The following CRYBG1 variants were observed in gnomAD, a reference collection of about 807,000 sequenced individuals.
CRYBG1 encodes the protein crystallin beta-gamma domain containing 1.
In CRYBG1, 139 loss-of-function variants were observed where a neutral mutation model predicts 189.2. The ratio of observed to expected loss-of-function variants is 0.73; its 90% CI spans 0.64 to 0.85. CRYBG1 has a LOEUF of 0.85. Among genes scored for constraint, CRYBG1 ranks in the 40% least tolerant of loss-of-function variants. The probability of loss-of-function intolerance (pLI) is 0.00; values close to 1 mark genes in which losing one functional copy is unlikely to be tolerated. For missense variants in CRYBG1, 2,611 were observed against 2,675.8 expected, an observed-to-expected ratio of 0.98 and a Z score of 0.53; for synonymous variants, 1,023 against 1,017.1, an observed-to-expected ratio of 1.01 and a Z score of -0.11.
chr6:106,485,441 T>G (rs1772576956), intron 2 of CRYBG1, among the ~76,000 whole-genome samples: 2 of 152,234 alleles, frequency 1.3e-5, no homozygotes, highest in African/African-American at 4.8e-5. Flanking sequence ...GATCACATCA[T>G]CTGTAAACAA....
chr6:106,401,741 A>C (rs1582742549), intron 1 of CRYBG1, among the ~76,000 whole-genome samples: 1 of 118,840 alleles, frequency 8.4e-6, no homozygotes, highest in African/African-American at 3.3e-5. Context: ...TGAACTCATC[A>C]TTTTTTATGG....
chr6:106,464,870 G>A (rs1280022483), intron 2 of CRYBG1, among the ~76,000 whole-genome samples: 1 of 152,134 alleles, frequency 6.6e-6, no homozygotes, highest in Non-Finnish European at 1.5e-5. Context: ...AATTTGTTCA[G>A]ATATTTTACA....
At chr6:106,521,599 C>A in intron 4 of CRYBG1, 146 bp downstream of exon 4, 1 of 973,426 alleles carries the variant, frequency 1.0e-6, no homozygotes, top group South Asian at 1.8e-5. Flanking sequence ...TGAAAACCTG[C>A]AATGTACAAG....
intron 2 of CRYBG1, among the ~76,000 whole-genome samples, chr6:106,493,295 A>G (rs775474640): frequency 5.3e-5 from 8 of 152,232 alleles, no homozygotes; most frequent in Non-Finnish European, 7.3e-5. Context: ...TTAAAATCAC[A>G]ATAAGATATC....
In CRYBG1 at chr6:106,568,559, A is replaced by G. The variant is rs776341398; in HGVS notation, c.6389A>G (p.Tyr2130Cys). The G allele has an allele frequency of 5.6e-6, 9 of 1,606,208 alleles. No homozygotes were observed. In the South Asian group the frequency reaches 7.7e-5, roughly 14 times the overall value. Residue 2130 changes from tyrosine to cysteine, a missense_variant, in exon 22 of 22, where the codon TAT (tyrosine) becomes TGT (cysteine). This residue lies in a region of CRYBG1 where 1,622 missense variants were observed against 1,735.0 expected (regional missense o/e 0.93). Coordinates refer to ENST00000633556, the MANE Select transcript of CRYBG1 (RefSeq NM_001371242.2). ...FTQVWEAMVL[Y>C]T ...CAAGTGTGGGAAGCCATGGTCCTATATACCTGAACAAAGAAGGAAGAAGAA... is the reference window on the plus strand; with the variant it reads ...CAAGTGTGGGAAGCCATGGTCCTATGTACCTGAACAAAGAAGGAAGAAGAA...
chr6:106,407,310 G>T (rs61536423), intron 1 of CRYBG1, among the ~76,000 whole-genome samples: 4,799 of 152,234 alleles, frequency 0.032, 261 homozygotes, highest in African/African-American at 0.11. Flanking sequence ...TAATGGTAAA[G>T]AGATCAATGC....
intron 3 of CRYBG1, 76 bp downstream of exon 3, chr6:106,513,115 A>G (rs1773338908): frequency 1.3e-6 from 2 of 1,486,980 alleles, no homozygotes; most frequent in Non-Finnish European, 1.8e-6. Context: ...GGCTCGGGGT[A>G]TCTGCATTGT....
At chr6:106,509,764 G>T (rs1037916372) in intron 2 of CRYBG1, among the ~76,000 whole-genome samples, 1 of 152,074 alleles carries the variant, frequency 6.6e-6, no homozygotes, top group Non-Finnish European at 1.5e-5. Flanking sequence ...CATGGGGTGG[G>T]CAGGAGGCGA....
intron 1 of CRYBG1, among the ~76,000 whole-genome samples, chr6:106,401,144 G>C (rs1258259818): frequency 6.6e-6 from 1 of 152,156 alleles, no homozygotes; most frequent in Admixed American, 6.5e-5. Flanking sequence ...CATTCTTCTT[G>C]ATACTAAATC....
chr6:106,469,147 G>T (rs556023576), intron 2 of CRYBG1, among the ~76,000 whole-genome samples: 78 of 152,262 alleles, frequency 5.1e-4, no homozygotes, highest in African/African-American at 1.8e-3. Context: ...TGAACACACA[G>T]AACCCTTTCT....
rs202072878 is a variant in CRYBG1, at chr6:106,519,895, G to A, written c.2687G>A (p.Ser896Asn). ...KDTCVQSPIS[S>N]FPCTDLKVSE... The stretch of plus-strand genomic sequence containing the variant: ...ACATGTGTTCAATCACCCATAAGCA[G>A]TTTCCCATGCACTGATCTAAAAGTG... The change falls in exon 4 of 22, where the codon AGT becomes AAT. Residue 896 changes from serine (S) to asparagine (N), a missense_variant. Ser to Asn is a conservative substitution (Grantham distance 46). Coordinates refer to ENST00000633556, the MANE Select transcript of CRYBG1 (RefSeq NM_001371242.2). 53 of 1,614,162 alleles carry A rather than the reference G, an allele frequency of 3.3e-5. 1 individual carries two copies. The African/African-American group carries it at 6.4e-4, about 19-fold the overall frequency.
chr6:106,390,829 G>A (rs949249652), intron 1 of CRYBG1, among the ~76,000 whole-genome samples: 9 of 152,170 alleles, frequency 5.9e-5, no homozygotes, highest in Admixed American at 2.0e-4. Flanking sequence ...GGATATTTGG[G>A]TTATTTCTAG....
chr6:106,416,552 G>C (rs939180483), intron 1 of CRYBG1, among the ~76,000 whole-genome samples: 1 of 152,160 alleles, frequency 6.6e-6, no homozygotes, highest in Non-Finnish European at 1.5e-5. Context: ...AGATTTTTCC[G>C]ATATCTTACT....
intron 18 of CRYBG1, among the ~76,000 whole-genome samples, chr6:106,559,451 G>A (rs1774646116): frequency 6.6e-6 from 1 of 151,986 alleles, no homozygotes; most frequent in South Asian, 2.1e-4. Context: ...GTCTACCTGT[G>A]TACAACAGAT....
chr6:106,369,260 A>G (rs1769966533), intron 1 of CRYBG1, among the ~76,000 whole-genome samples: 1 of 152,206 alleles, frequency 6.6e-6, no homozygotes, highest in South Asian at 2.1e-4. Context: ...CACAAAAAGA[A>G]ACACAATTAA....
intron 3 of CRYBG1, among the ~76,000 whole-genome samples, chr6:106,513,373 C>A (rs1281965824): frequency 6.6e-6 from 1 of 152,112 alleles, no homozygotes; most frequent in African/African-American, 2.4e-5. Flanking sequence ...TCAAAATGTA[C>A]AAGGGTGTTC....
chr6:106,381,793 C>T (rs1419778573), intron 1 of CRYBG1, among the ~76,000 whole-genome samples: 3 of 152,162 alleles, frequency 2.0e-5, no homozygotes, highest in Non-Finnish European at 4.4e-5. Context: ...CTGCTTTGGG[C>T]AATGTGTGCT....
At chr6:106,409,965 A>G (rs1159843802) in intron 1 of CRYBG1, among the ~76,000 whole-genome samples, 3 of 152,222 alleles carry the variant, frequency 2.0e-5, no homozygotes, top group African/African-American at 4.8e-5. Context: ...AGGCATGGGC[A>G]AAGACTTCAT....
At chr6:106,363,856 A>G (rs1343031143) in intron 1 of CRYBG1, among the ~76,000 whole-genome samples, 2 of 152,178 alleles carry the variant, frequency 1.3e-5, no homozygotes, top group African/African-American at 4.8e-5. Context: ...TATGTTATTA[A>G]GTGCAAAAAC....
Sources: gnomAD v4.1 joint callset for allele counts (sites outside exome capture counted in the v4.1 genomes callset) on GRCh38, gnomAD v4.1.1 for gene constraint, gnomAD v4.1.1 regional missense constraint, MANE v1.5 for transcripts, NCBI Gene and HGNC (gene_info 2026-07-23, HGNC 2026-07-21) for gene names.